The following UCK2 variants were observed in gnomAD, a reference collection of about 807,000 sequenced individuals.
UCK2 encodes the protein uridine-cytidine kinase 2.
UCK2 carries 6 observed loss-of-function variants against 30.8 expected under a neutral mutation model. The observed-to-expected ratio is 0.19, with a 90% CI of 0.11 to 0.38. The LOEUF (loss-of-function observed/expected upper bound fraction) is 0.38, where lower values mean the gene tolerates loss of function less well. Ranked by LOEUF, UCK2 falls within the 10% of genes least tolerant of loss-of-function variation. The probability of loss-of-function intolerance (pLI) is 1.00; values close to 1 mark genes in which losing one functional copy is unlikely to be tolerated. For synonymous variants in UCK2, 125 were observed against 133.6 expected (o/e 0.94, Z 0.45); for missense variants, 210 against 339.8 (o/e 0.62, Z 3.00).
intron 1 of UCK2, among the ~76,000 whole-genome samples, chr1:165,828,148 C>T (rs1340482304): frequency 6.6e-6 from 1 of 151,790 alleles, no homozygotes; most frequent in Admixed American, 6.6e-5. Flanking sequence ...TCCGGGGGTA[C>T]GCGGCCACGA....
At chr1:165,907,645 G>T (rs79016638) in intron 6 of UCK2, 39 bp from the exon 7 acceptor site, 2 of 1,607,792 alleles carry the variant, frequency 1.2e-6, no homozygotes, top group South Asian at 1.1e-5. Context: ...CTGCACCCAT[G>T]CCTGCACCCG....
chr1:165,901,416 C>T (rs1365005080), intron 4 of UCK2, among the ~76,000 whole-genome samples: 10 of 152,190 alleles, frequency 6.6e-5, no homozygotes, highest in African/African-American at 2.4e-4. Context: ...GCCATGACAG[C>T]CTCCCCGTTC....
In UCK2 at chr1:165,832,946, C is replaced by T. The variant is rs115372707; in HGVS notation, c.99+5014C>T. Reference sequence around the variant, plus strand: ...CTTTCTCCACAAGCAGTGGCCTCTTCGTGTAAATATTTTTAGGGAGGTTGG... The same window carrying T: ...CTTTCTCCACAAGCAGTGGCCTCTTTGTGTAAATATTTTTAGGGAGGTTGG... On this transcript the variant is annotated intron_variant, in intron 1 of 6. Transcript: ENST00000367879. Among the ~76,000 whole-genome samples, 605 of 152,086 alleles carry T rather than the reference C, an allele frequency of 4.0e-3. 9 individuals carry two copies. The highest frequency in any genetic ancestry group is 0.014 in the African/African-American group (570 of 41,484).
chr1:165,882,003 T>C (rs573504660), intron 1 of UCK2, among the ~76,000 whole-genome samples: 2 of 152,214 alleles, frequency 1.3e-5, no homozygotes, highest in Non-Finnish European at 2.9e-5. Context: ...GAATTAAAAC[T>C]GGGAGCTTCT....
At chr1:165,880,117 T>G (rs1655445866) in intron 1 of UCK2, among the ~76,000 whole-genome samples, 1 of 152,240 alleles carries the variant, frequency 6.6e-6, no homozygotes, top group Admixed American at 6.5e-5. Context: ...TGTTTACTCA[T>G]GTGCGGCCTG....
At chr1:165,840,596 G>A (rs1293754978) in intron 1 of UCK2, among the ~76,000 whole-genome samples, 1 of 152,190 alleles carries the variant, frequency 6.6e-6, no homozygotes, top group Non-Finnish European at 1.5e-5. Context: ...GTGATAAGGA[G>A]CCTTTATAGT....
In UCK2 at chr1:165,827,820, G is replaced by T; in HGVS notation, c.-14G>T. ...CCGTTCGCACAGGCAGCGGGAGGAG[G>T]GGCGGCGCGAACCATGGCCGGGGAC... On this transcript the variant is annotated 5_prime_UTR_variant, in exon 1 of 7. Transcript: ENST00000367879. 1.4e-6 allele frequency: 2 copies of T among 1,418,890 alleles called. No individual in the cohort carries two copies. The highest frequency in any genetic ancestry group is 2.9e-5 in the East Asian group (1 of 34,150). The allele number at this position is 1,418,890 out of a possible 1,614,324, so 87.9% of individuals were successfully genotyped here.
intron 1 of UCK2, among the ~76,000 whole-genome samples, chr1:165,872,848 A>T (rs780422778): frequency 6.6e-6 from 1 of 152,198 alleles, no homozygotes. Flanking sequence ...CTCTGAAGGG[A>T]TGTACACGAA....
chr1:165,835,323 T>A (rs958768666), intron 1 of UCK2, among the ~76,000 whole-genome samples: 5 of 151,508 alleles, frequency 3.3e-5, no homozygotes, highest in Non-Finnish European at 7.4e-5. Context: ...ATATATATAT[T>A]TTTATATGTT....
At chr1:165,877,414 G>A (rs1655366286) in intron 1 of UCK2, among the ~76,000 whole-genome samples, 1 of 152,154 alleles carries the variant, frequency 6.6e-6, no homozygotes, top group African/African-American at 2.4e-5. Context: ...CTGCTGTTTT[G>A]CTGTTTATTA....
At chr1:165,842,608 C>T (rs529465161) in intron 1 of UCK2, among the ~76,000 whole-genome samples, 1 of 152,292 alleles carries the variant, frequency 6.6e-6, no homozygotes, top group Non-Finnish European at 1.5e-5. Context: ...ATTTCTCCTC[C>T]CAATCCACAT....
intron 1 of UCK2, among the ~76,000 whole-genome samples, chr1:165,831,717 T>A (rs1342428656): frequency 6.6e-6 from 1 of 152,208 alleles, no homozygotes; most frequent in Non-Finnish European, 1.5e-5. Context: ...TTCAGTACAG[T>A]ACAAATCCCC....
Position 165,908,109 on chromosome 1 carries a change from A to G in UCK2, c.*286A>G, listed in dbSNP as rs1647734695. The G allele has an allele frequency of 4.0e-6, 1 of 249,366 alleles. No individual in the cohort carries two copies. The highest frequency in any genetic ancestry group is 7.7e-6 in the Non-Finnish European group (1 of 130,148). 15.4% of individuals were successfully genotyped at this position (249,366 alleles called of 1,614,324 possible). ...TAAATACATATATATATAAAAAAGGATCTATTTTTGTGTAAATGTACAAAT... is the reference window on the plus strand; with the variant it reads ...TAAATACATATATATATAAAAAAGGGTCTATTTTTGTGTAAATGTACAAAT... On this transcript the variant is annotated 3_prime_UTR_variant, in exon 7 of 7. Coordinates refer to ENST00000367879, the MANE Select transcript of UCK2 (RefSeq NM_012474.5).
chr1:165,907,570 C>T, intron 6 of UCK2, 114 bp from the exon 7 acceptor site: 12 of 1,433,460 alleles, frequency 8.4e-6, no homozygotes, highest in Non-Finnish European at 1.1e-5. Flanking sequence ...AGAGCCACTT[C>T]CCTGGAAGTC....
intron 1 of UCK2, among the ~76,000 whole-genome samples, chr1:165,861,856 C>T (rs12075898): frequency 0.25 from 37,784 of 152,050 alleles, 4,890 homozygotes; most frequent in South Asian, 0.42. Context: ...CTTCACCATG[C>T]CAGTCCTGCC....
intron 3 of UCK2, chr1:165,891,559 A>T: frequency 2.2e-6 from 1 of 453,982 alleles, no homozygotes; most frequent in South Asian, 3.5e-5. Flanking sequence ...CGATTCCTTA[A>T]CTCTGAAGGA....
At chr1:165,832,883 G>A (rs1654086410) in intron 1 of UCK2, among the ~76,000 whole-genome samples, 1 of 152,080 alleles carries the variant, frequency 6.6e-6, no homozygotes, top group South Asian at 2.1e-4. Flanking sequence ...CTCTGTGCCC[G>A]GCCGGTTTTT....
At chr1:165,847,675 A>G (rs1419670253) in intron 1 of UCK2, among the ~76,000 whole-genome samples, 1 of 151,574 alleles carries the variant, frequency 6.6e-6, no homozygotes, top group African/African-American at 2.4e-5. Flanking sequence ...ATTCACAGAT[A>G]CCATCATAGC....
chr1:165,832,782 C>T (rs1217803507), intron 1 of UCK2, among the ~76,000 whole-genome samples: 3 of 151,852 alleles, frequency 2.0e-5, no homozygotes, highest in South Asian at 2.1e-4. Flanking sequence ...TTAGTGGAGA[C>T]GGGGTTTCAC....
Sources: gnomAD v4.1 joint callset for allele counts (sites outside exome capture counted in the v4.1 genomes callset) on GRCh38, gnomAD v4.1.1 for gene constraint, MANE v1.5 for transcripts, NCBI Gene and HGNC (gene_info 2026-07-23, HGNC 2026-07-21) for gene names.